SLC35F3: variants seen among roughly 807,000 people sequenced by gnomAD.
SLC35F3 encodes the protein solute carrier family 35 member F3, also known as putative thiamine transporter SLC35F3.
A neutral mutation model predicts 49.9 loss-of-function variants in SLC35F3; 25 were observed. That is an observed-to-expected ratio of 0.50 (90% CI 0.37 to 0.70). The LOEUF (loss-of-function observed/expected upper bound fraction) is 0.70, where lower values mean the gene tolerates loss of function less well. Ranked by LOEUF, SLC35F3 falls within the 30% of genes least tolerant of loss-of-function variation. SLC35F3 has a pLI of 0.00. For synonymous variants in SLC35F3, 275 were observed against 265.4 expected (o/e 1.04, Z -0.35); for missense variants, 525 against 639.8 (o/e 0.82, Z 1.94).
At chr1:234,275,633 A>T (rs1240053900) in intron 3 of SLC35F3, among the ~76,000 whole-genome samples, 1 of 152,030 alleles carries the variant, frequency 6.6e-6, no homozygotes, top group Non-Finnish European at 1.5e-5. Flanking sequence ...ATACACACAC[A>T]ACACATATCC....
chr1:234,132,421 A>G (rs1665750068), intron 2 of SLC35F3, among the ~76,000 whole-genome samples: 1 of 152,240 alleles, frequency 6.6e-6, no homozygotes, highest in East Asian at 1.9e-4. Context: ...TGCTAAGAAT[A>G]TACAAAATTT....
intron 6 of SLC35F3, among the ~76,000 whole-genome samples, chr1:234,319,778 C>T (rs566024187): frequency 6.6e-6 from 1 of 152,256 alleles, no homozygotes; most frequent in East Asian, 1.9e-4. Flanking sequence ...ATGCAGTTAT[C>T]CCAGAAGCAT....
intron 4 of SLC35F3, among the ~76,000 whole-genome samples, chr1:234,311,030 C>T (rs914777387): frequency 1.1e-4 from 17 of 152,142 alleles, no homozygotes; most frequent in African/African-American, 4.1e-4. Flanking sequence ...TGTTGAAGGC[C>T]TTTGGTACTA....
chr1:234,186,799 G>A (rs1378522996), intron 2 of SLC35F3, among the ~76,000 whole-genome samples: 2 of 152,180 alleles, frequency 1.3e-5, no homozygotes, highest in African/African-American at 2.4e-5. Flanking sequence ...TGCAGGGTAG[G>A]TATTATTGAC....
At chr1:233,969,068 G>C (rs1662949593) in intron 2 of SLC35F3, among the ~76,000 whole-genome samples, 2 of 149,144 alleles carry the variant, frequency 1.3e-5, no homozygotes, top group Admixed American at 1.3e-4. Context: ...TTTGGGGGGG[G>C]GGACACAATT....
At chr1:234,054,307 T>G (rs756695308) in intron 2 of SLC35F3, among the ~76,000 whole-genome samples, 12 of 152,372 alleles carry the variant, frequency 7.9e-5, no homozygotes, top group Admixed American at 1.3e-4. Context: ...TGTTTTCACA[T>G]AGTCCCATAT....
chr1:234,110,190 C>T (rs752778207), intron 2 of SLC35F3, among the ~76,000 whole-genome samples: 6 of 152,048 alleles, frequency 3.9e-5, no homozygotes, highest in Non-Finnish European at 8.8e-5. Flanking sequence ...AGGTTGAATA[C>T]GGAGGAGGAA....
chr1:234,168,756 G>A (rs148748352), intron 2 of SLC35F3, among the ~76,000 whole-genome samples: 2,091 of 152,302 alleles, frequency 0.014, 29 homozygotes, highest in Non-Finnish European at 0.02. Context: ...GTGGCTTTGC[G>A]GTCTCAGAAA....
intron 2 of SLC35F3, among the ~76,000 whole-genome samples, chr1:233,943,893 T>C (rs937210939): frequency 1.3e-5 from 2 of 152,238 alleles, no homozygotes; most frequent in African/African-American, 4.8e-5. Flanking sequence ...CATTCTTCTT[T>C]GAGGTTTCCT....
intron 2 of SLC35F3, among the ~76,000 whole-genome samples, chr1:234,040,486 A>G (rs936402080): frequency 7.9e-5 from 12 of 152,212 alleles, no homozygotes; most frequent in African/African-American, 2.9e-4. Context: ...CTGTCTGCCT[A>G]GAGTTTCTCT....
intron 2 of SLC35F3, among the ~76,000 whole-genome samples, chr1:233,952,377 T>C (rs1373814152): frequency 3.3e-5 from 5 of 152,216 alleles, no homozygotes; most frequent in African/African-American, 1.2e-4. Flanking sequence ...TGTGGAAAGC[T>C]GGGGTTGAGG....
intron 2 of SLC35F3, among the ~76,000 whole-genome samples, chr1:234,197,369 A>G (rs1666829035): frequency 1.3e-5 from 2 of 152,180 alleles, no homozygotes; most frequent in South Asian, 4.1e-4. Flanking sequence ...AAACTCTATT[A>G]GTGTTTGTTC....
intron 2 of SLC35F3, among the ~76,000 whole-genome samples, chr1:233,923,747 C>T (rs1437434674): frequency 6.6e-6 from 1 of 152,128 alleles, no homozygotes; most frequent in Non-Finnish European, 1.5e-5. Context: ...GGAATGCTTC[C>T]AGTTTTTGCC....
intron 2 of SLC35F3, among the ~76,000 whole-genome samples, chr1:234,079,263 T>C (rs1029612460): frequency 6.6e-6 from 1 of 151,940 alleles, no homozygotes; most frequent in Non-Finnish European, 1.5e-5. Flanking sequence ...CATGAGTCTA[T>C]TTTTTTTATA....
chr1:234,095,545 T>C (rs1402197088), intron 2 of SLC35F3, among the ~76,000 whole-genome samples: 1 of 152,246 alleles, frequency 6.6e-6, no homozygotes, highest in African/African-American at 2.4e-5. Context: ...GTAAGTTCAA[T>C]GCTCGTAATT....
At chr1:234,146,235 A>G (rs540833777) in intron 2 of SLC35F3, among the ~76,000 whole-genome samples, 71 of 152,118 alleles carry the variant, frequency 4.7e-4, no homozygotes, top group Non-Finnish European at 8.2e-4. Flanking sequence ...TTCTGATGGA[A>G]TAATATAACT....
intron 2 of SLC35F3, among the ~76,000 whole-genome samples, chr1:233,924,010 G>A (rs1662112008): frequency 6.6e-6 from 1 of 152,146 alleles, no homozygotes; most frequent in Admixed American, 6.6e-5. Flanking sequence ...GATCGTGGTG[G>A]ATAAGCTTTT....
chr1:234,214,333 C>G lies in SLC35F3; in HGVS notation c.284-17084C>G. ...CCGCCGCAGTGAGCAACGCGGCAAC[C>G]GGAGCCCGGCGGGCAGCCGGGGAGG... On this transcript the variant is annotated intron_variant, in intron 2 of 7. Transcript: ENST00000366618. This position sits in a 1 kb window ranked among gnomAD's most constrained non-coding sequence, Gnocchi z 8.0. 7.6e-7 allele frequency: 1 copy of G among 1,310,918 alleles called. No homozygotes were observed. The highest frequency in any genetic ancestry group is 9.7e-7 in the Non-Finnish European group (1 of 1,032,748). 81.2% of individuals were successfully genotyped at this position (1,310,918 alleles called of 1,614,324 possible).
intron 3 of SLC35F3, among the ~76,000 whole-genome samples, chr1:234,249,979 G>A (rs1402596635): frequency 6.6e-6 from 1 of 152,180 alleles, no homozygotes; most frequent in African/African-American, 2.4e-5. Context: ...AACCCTCCGA[G>A]GGAGTATACA....
Sources: allele counts gnomAD v4.1 joint callset (sites outside exome capture counted in the v4.1 genomes callset), GRCh38; gene constraint gnomAD v4.1.1; non-coding constraint Gnocchi (gnomAD v3.1); transcripts MANE v1.5; gene names NCBI Gene and HGNC (gene_info 2026-07-23, HGNC 2026-07-21).